The following ATM variants were observed in gnomAD, a reference collection of about 807,000 sequenced individuals.
ATM encodes serine-protein kinase ATM.
In ATM, 308 loss-of-function variants were observed where a neutral mutation model predicts 387.0. The observed-to-expected ratio is 0.80, with a 90% CI of 0.73 to 0.87. The LOEUF is 0.87. ATM is among the 40% of genes least tolerant of loss of function. The probability of loss-of-function intolerance (pLI) is 0.00; values close to 1 mark genes in which losing one functional copy is unlikely to be tolerated. For missense variants in ATM, 3,312 were observed against 3,560.9 expected (o/e 0.93, Z 1.78); for synonymous variants, 1,156 against 1,187.3 (o/e 0.97, Z 0.54).
At chr11:108,347,678 A>AT (rs1455921581) in intron 59 of ATM, among the ~76,000 whole-genome samples, 1 of 152,092 alleles carries the variant, frequency 6.6e-6, no homozygotes, top group East Asian at 1.9e-4. Flanking sequence ...ACAAGGAGTA[A>AT]TTTTAAGATG....
rs1591111710 is a variant in ATM at position 108,322,049 on chromosome 11, C to T, written c.6572+629C>T. On this transcript the variant is annotated intron_variant, in intron 45 of 62. Transcript: ENST00000675843. ...TCAGTTTTAGCACTACATTGTATTA[C>T]TGTCATTTTATCTCTGCCTTGCTAA... 2.6e-5 allele frequency among the ~76,000 whole-genome samples: 4 copies of T among 152,300 alleles called. No homozygotes were observed. In the South Asian group the frequency reaches 8.3e-4, roughly 32 times the overall value.
chr11:108,285,219 C>G (rs1056482133), intron 26 of ATM, among the ~76,000 whole-genome samples: 22 of 152,200 alleles, frequency 1.4e-4, no homozygotes, highest in African/African-American at 5.1e-4. Flanking sequence ...CTCAGCCTCC[C>G]AAAGTGCTGG....
chr11:108,228,302 T>C (rs2078845497), intron 3 of ATM, among the ~76,000 whole-genome samples: 1 of 152,210 alleles, frequency 6.6e-6, no homozygotes, highest in Admixed American at 6.5e-5. Flanking sequence ...ATTGGAATAC[T>C]TGTGTATGAA....
intron 17 of ATM, among the ~76,000 whole-genome samples, chr11:108,267,980 T>G (rs2081355497): frequency 6.6e-6 from 1 of 152,256 alleles, no homozygotes; most frequent in African/African-American, 2.4e-5. Context: ...ACATTCAAAA[T>G]TGTAGTCAAC....
intron 26 of ATM, among the ~76,000 whole-genome samples, chr11:108,284,830 A>G (rs1036549010): frequency 2.0e-5 from 3 of 152,258 alleles, no homozygotes; most frequent in African/African-American, 4.8e-5. Context: ...TCCCTCTTCA[A>G]TCTCACCAAG....
intron 17 of ATM, 76 bp downstream of exon 17, chr11:108,267,418 A>G (rs1398587627): frequency 5.9e-6 from 8 of 1,349,316 alleles, no homozygotes; most frequent in African/African-American, 1.4e-5. Flanking sequence ...CCTCATTGAT[A>G]TCAATTTTGT....
intron 16 of ATM, among the ~76,000 whole-genome samples, chr11:108,264,293 G>T (rs2081083021): frequency 6.6e-6 from 1 of 151,986 alleles, no homozygotes; most frequent in African/African-American, 2.4e-5. Flanking sequence ...ATGATCAAGT[G>T]GGCTTCATCC....
At chr11:108,230,576 C>T (rs1157055746) in intron 4 of ATM, 2 of 152,200 alleles carry the variant, frequency 1.3e-5, no homozygotes, top group Non-Finnish European at 2.9e-5. Context: ...ATCTCACTTT[C>T]TTCAGCTCAC....
chr11:108,312,224 T>C (rs1438478470), intron 39 of ATM, among the ~76,000 whole-genome samples, 187 bp from the exon 40 acceptor site: 1 of 152,214 alleles, frequency 6.6e-6, no homozygotes, highest in African/African-American at 2.4e-5. Context: ...TCTTAAAATA[T>C]AATTTTCATT....
chr11:108,302,789 G>C (rs964467290), intron 35 of ATM, 64 bp from the exon 36 acceptor site: 1 of 1,442,146 alleles, frequency 6.9e-7, no homozygotes, highest in African/African-American at 1.4e-5. Flanking sequence ...TACTCATTTT[G>C]TGTAGGAAAG....
At chr11:108,274,782 C>A (rs979441782) in intron 22 of ATM, among the ~76,000 whole-genome samples, 1 of 152,138 alleles carries the variant, frequency 6.6e-6, no homozygotes, top group Non-Finnish European at 1.5e-5. Context: ...GTTTTACTTT[C>A]AATTATGTGG....
chr11:108,354,994 G>A, intron 61 of ATM, 120 bp downstream of exon 61: 2 of 868,738 alleles, frequency 2.3e-6, no homozygotes, highest in East Asian at 2.5e-5. Flanking sequence ...ATGTGGCTGG[G>A]CAGCAGAAAG....
chr11:108,280,952 A>T, intron 23 of ATM, 43 bp from the exon 24 acceptor site: 1 of 1,544,732 alleles, frequency 6.5e-7, no homozygotes, highest in East Asian at 2.3e-5. Flanking sequence ...ATTGTTAAAC[A>T]TTTACATTTT....
chr11:108,278,544 A>T (rs1183493228), intron 22 of ATM, among the ~76,000 whole-genome samples: 6 of 152,176 alleles, frequency 3.9e-5, no homozygotes, highest in Non-Finnish European at 8.8e-5. Flanking sequence ...CTGAGGCTGG[A>T]TATTTACAAA....
At chr11:108,345,527 G>A (rs998941043) in intron 57 of ATM, among the ~76,000 whole-genome samples, 5 of 152,114 alleles carry the variant, frequency 3.3e-5, no homozygotes, top group Non-Finnish European at 5.9e-5. Context: ...AGTCACTGTA[G>A]GTGTGCTTCC....
In ATM at chr11:108,280,922, C is replaced by T. The variant is rs551178827; in HGVS notation, c.3403-73C>T. The T allele has an allele frequency of 1.1e-5, 15 of 1,382,616 alleles. 1 individual carries two copies. In the South Asian group the frequency reaches 1.8e-4, roughly 16 times the overall value. The allele number at this position is 1,382,616 out of a possible 1,614,324, so 85.6% of individuals were successfully genotyped here. A position where few individuals can be genotyped will look rare whatever the true frequency, so the allele number is the denominator to read the frequency against. On this transcript the variant is annotated intron_variant, in intron 23 of 62. Transcript: ENST00000675843. ...ATAGCTTGTCAAAAAATCTGGAGTT[C>T]AGTTGGGATTTTATAATTGATTGTT...
intron 6 of ATM, among the ~76,000 whole-genome samples, chr11:108,244,328 T>C (rs752035572): frequency 2.6e-5 from 4 of 152,142 alleles, no homozygotes; most frequent in Non-Finnish European, 5.9e-5. Flanking sequence ...AAGGGGGAGA[T>C]GTGTCTTGCT....
intron 14 of ATM, among the ~76,000 whole-genome samples, chr11:108,257,276 A>AT (rs2080555008): frequency 6.6e-6 from 1 of 152,250 alleles, no homozygotes; most frequent in African/African-American, 2.4e-5. Context: ...AGAACAGAGT[A>AT]TAAGATTTGC....
chr11:108,329,242 A>G lies in ATM; in HGVS notation c.7307+4A>G, dbSNP rs730881316. The stretch of plus-strand genomic sequence containing the variant: ...AACATAAAATTCAGACAAACAGGTA[A>G]CTAGGTTTCTACAAGTGACAATTTT... On this transcript the variant is annotated splice_donor_region_variant and intron_variant, in intron 49 of 62. Transcript: ENST00000675843. 2 of 1,608,862 alleles carry G rather than the reference A, an allele frequency of 1.2e-6. No homozygotes were observed. Among genetic ancestry groups the G allele is most frequent in the Non-Finnish European group, 1.7e-6 (2 of 1,175,710 alleles).
Sources: allele counts gnomAD v4.1 joint callset (sites outside exome capture counted in the v4.1 genomes callset), GRCh38; gene constraint gnomAD v4.1.1; transcripts MANE v1.5; gene names NCBI Gene and HGNC (gene_info 2026-07-23, HGNC 2026-07-21).